ZNF211: variants seen among roughly 807,000 people sequenced by gnomAD.
ZNF211 encodes zinc finger protein 211.
Under a neutral mutation model 12.1 loss-of-function variants are expected in ZNF211, and 18 were observed. The ratio of observed to expected loss-of-function variants is 1.48; its 90% CI spans 1.03 to 2.20. ZNF211 has a LOEUF of 2.20. ZNF211 is among the 30% of genes most tolerant of loss of function. The pLI is 0.00. For synonymous variants in ZNF211, 249 were observed against 246.0 expected (o/e 1.01, Z -0.11); for missense variants, 677 against 703.1 (o/e 0.96, Z 0.42).
chr19:57,633,754 C>T (rs950833686), intron 1 of ZNF211: 1 of 1,534,406 alleles, frequency 6.5e-7, no homozygotes, highest in African/African-American at 1.4e-5. Flanking sequence ...CGAGAGACAC[C>T]ATCTGAGTTA....
Position 57,634,072 on chromosome 19 carries a change from G to T in ZNF211, c.129+11G>T. The T allele has an allele frequency of 6.4e-7, 1 of 1,563,496 alleles. No homozygotes were observed. Among genetic ancestry groups the T allele is most frequent in the South Asian group, 1.2e-5 (1 of 81,778 alleles). On this transcript the variant is annotated intron_variant, in intron 2 of 3. Transcript: ENST00000240731. ...TTCAAACTTACACAGGTAAGTGGAGGTATCTCAGCCCCTCACTGGTCTGGA... is the reference window on the plus strand; with the variant it reads ...TTCAAACTTACACAGGTAAGTGGAGTTATCTCAGCCCCTCACTGGTCTGGA...
At position 57,641,691 on chromosome 19, in the gene ZNF211, G is replaced by A. The variant is rs1183226641; in HGVS notation, c.1244G>A (p.Cys415Tyr). 3 of 1,614,016 alleles carry A rather than the reference G, an allele frequency of 1.9e-6. No homozygotes were observed. The highest frequency in any genetic ancestry group is 1.3e-5 in the African/African-American group (1 of 74,908). ...GAAAGACCTCATGAGTGCAATGAAT[G>A]TGGAAAATCCTTTAGCCGAAGCTCC... ...TGERPHECNE[C>Y]GKSFSRSSSL... Residue 415 changes from cysteine (C) to tyrosine (Y), a missense_variant, in exon 4 of 4, where the codon TGT becomes TAT. Coordinates refer to ENST00000240731, the MANE Select transcript of ZNF211 (RefSeq NM_006385.5).
At chr19:57,635,563 A>C (rs373892109) in intron 3 of ZNF211, among the ~76,000 whole-genome samples, 1 of 152,226 alleles carries the variant, frequency 6.6e-6, no homozygotes, top group Non-Finnish European at 1.5e-5. Context: ...GTTGTAATAT[A>C]TATCAGAATT....
chr19:57,641,908 T>A lies in ZNF211; in HGVS notation c.1461T>A (p.Val487=), dbSNP rs745665653. ...CCAACCTTAAGAACCACCAGAGAGT[T>A]CACACTGGAGAAAGACCTGTTGAGT... ...HSSNLKNHQR[V]HTGERPVECS... is the part of the protein sequence containing the mutation. Residue 487 remains valine, a synonymous_variant, in exon 4 of 4, where the codon GTT becomes GTA. Coordinates refer to ENST00000240731, the MANE Select transcript of ZNF211 (RefSeq NM_006385.5). 6.2e-7 allele frequency: 1 copy of A among 1,614,194 alleles called. No individual in the cohort carries two copies. Among genetic ancestry groups the A allele is most frequent in the South Asian group, 1.1e-5 (1 of 91,088 alleles).
Position 57,642,120 on chromosome 19 carries a change from C to CCA in ZNF211, c.1674_1675insAC (p.Phe559ThrfsTer79). On this transcript the variant is annotated frameshift_variant, in exon 4 of 4. Transcript: ENST00000240731. LOFTEE classifies it low-confidence loss of function (END_TRUNC). Reference sequence around the variant, plus strand: ...TATCAGTGCAGTCAATGTGGGAAATCCTTTGGCTGCAAATCTGTCCTCATT... The same window carrying CCA: ...TATCAGTGCAGTCAATGTGGGAAATCCACTTTGGCTGCAAATCTGTCCTCATT... The CCA allele has an allele frequency of 6.2e-7, 1 of 1,614,008 alleles. No individual in the cohort carries two copies. The highest frequency in any genetic ancestry group is 8.5e-7 in the Non-Finnish European group (1 of 1,179,890).
intron 3 of ZNF211, among the ~76,000 whole-genome samples, chr19:57,636,054 A>C (rs987917694): frequency 2.6e-5 from 4 of 152,120 alleles, no homozygotes; most frequent in Admixed American, 6.6e-5. Context: ...TCCTTTGCCT[A>C]TTTTTAAATT....
chr19:57,634,641 T>C lies in ZNF211; in HGVS notation c.142T>C (p.Phe48Leu). The change falls in exon 3 of 4, where the codon TTT (phenylalanine) becomes CTT (leucine). Residue 48 changes from phenylalanine (F) to leucine (L), a missense_variant. Phe to Leu is a conservative substitution (Grantham distance 22). Transcript: ENST00000240731. ...CCTATTATGCTAGGGAAGTGTGACC[T>C]TTGAAGATGTGGCCGTGTACTTCTC... is the stretch of plus-strand genomic sequence containing the variant. The part of the protein sequence containing the change: ...LFKLTQGSVT[F>L]EDVAVYFSWE... The C allele has an allele frequency of 1.9e-6, 3 of 1,592,934 alleles. No homozygotes were observed. The highest frequency in any genetic ancestry group is 2.6e-6 in the Non-Finnish European group (3 of 1,169,168).
chr19:57,641,435 G>T lies in ZNF211; in HGVS notation c.988G>T (p.Glu330Ter). The stretch of plus-strand genomic sequence containing the variant: ...TGGAGAAAGGCCTTATGCGTGCCCT[G>T]AATGTGGGAAATCGTTTAGTCAGAT... ...HTGERPYACP[E>*]CGKSFSQIYS... The change falls in exon 4 of 4, where the codon GAA becomes TAA. Residue 330 changes from glutamate (E) to a stop codon, truncating the protein, a stop_gained. Coordinates refer to ENST00000240731, the MANE Select transcript of ZNF211 (RefSeq NM_006385.5). LOFTEE classifies it low-confidence loss of function (END_TRUNC). The T allele has an allele frequency of 6.2e-7, 1 of 1,610,902 alleles. No individual in the cohort carries two copies. Among genetic ancestry groups the T allele is most frequent in the Non-Finnish European group, 8.5e-7 (1 of 1,177,836 alleles).
In ZNF211 at chr19:57,640,939, A is replaced by G. The variant is rs771622762; in HGVS notation, c.492A>G (p.Gln164=). 6 of 1,614,222 alleles carry G rather than the reference A, an allele frequency of 3.7e-6. No homozygotes were observed. The South Asian group carries it at 6.6e-5, about 18-fold the overall frequency. ...AATTCTACATCAGTGCAAATCTTCA[A>G]CAGCACCAGAGGCAGCACATTACAG... The part of the protein sequence containing the change: ...GKQFYISANL[Q]QHQRQHITEA... The change falls in exon 4 of 4, where the codon CAA becomes CAG. Residue 164 remains glutamine (Q), a synonymous_variant. Coordinates refer to ENST00000240731, the MANE Select transcript of ZNF211 (RefSeq NM_006385.5).
At chr19:57,639,407 A>AT (rs1982578897) in intron 3 of ZNF211, among the ~76,000 whole-genome samples, 1 of 6,046 alleles carries the variant, frequency 1.7e-4, no homozygotes, top group Non-Finnish European at 3.7e-4. Flanking sequence ...TCCTTTATGT[A>AT]CTTTTTTTTT....
rs1981737948 is a variant in ZNF211, at chr19:57,633,662, C to T, written c.90+226C>T. 6 of 1,534,286 alleles carry T rather than the reference C, an allele frequency of 3.9e-6. No homozygotes were observed. The Admixed American group carries it at 9.8e-5, about 25-fold the overall frequency. ...GGGGCATTCAGGAACCTGGGCTCCA[C>T]ATTGTTACTGCAGGGAACAAAGTTT... On this transcript the variant is annotated intron_variant, in intron 1 of 3. Coordinates refer to ENST00000240731, the MANE Select transcript of ZNF211 (RefSeq NM_006385.5).
intron 2 of ZNF211, 189 bp downstream of exon 2, chr19:57,634,250 C>CCA: frequency 5.1e-6 from 3 of 585,658 alleles, no homozygotes; most frequent in African/African-American, 1.9e-5. Context: ...TTGGAGCAGC[C>CCA]AATGGAAAGA....
Position 57,641,110 on chromosome 19 carries a change from A to C in ZNF211, c.663A>C (p.Thr221=). 6.2e-7 allele frequency: 1 copy of C among 1,614,204 alleles called. No individual in the cohort carries two copies. Among genetic ancestry groups the C allele is most frequent in the Middle Eastern group, 1.6e-4 (1 of 6,062 alleles). The part of the protein sequence containing the change: ...MRFLHQDATQ[T]GEKPNNSNKC... ...TTCTCCATCAAGACGCCACTCAAAC[A>C]GGGGAGAAGCCAAATAACAGTAACA... The change falls in exon 4 of 4, where the codon ACA becomes ACC. Residue 221 remains threonine, a synonymous_variant. Transcript: ENST00000240731.
chr19:57,637,343 A>G (rs546407122), intron 3 of ZNF211, among the ~76,000 whole-genome samples: 4 of 150,890 alleles, frequency 2.7e-5, no homozygotes, highest in Non-Finnish European at 5.9e-5. Flanking sequence ...ATTTCCCTGT[A>G]TTCCTGGTTT....
At position 57,642,081 on chromosome 19, in the gene ZNF211, C is replaced by A; in HGVS notation, c.1634C>A (p.Thr545Lys). Residue 545 changes from threonine (T) to lysine (K), a missense_variant, in exon 4 of 4, where the codon ACG becomes AAG. Physicochemically the swap from Thr to Lys is moderately conservative, Grantham distance 78. Transcript: ENST00000240731. ...SSLIQHRRVH[T>K]GKRPYQCSQC... is the part of the protein sequence containing the mutation. ...CTCATTCAACACCGCAGAGTTCACA[C>A]GGGAAAAAGGCCTTATCAGTGCAGT... The A allele has an allele frequency of 6.2e-7, 1 of 1,614,104 alleles. No homozygotes were observed. Among genetic ancestry groups the A allele is most frequent in the Non-Finnish European group, 8.5e-7 (1 of 1,179,962 alleles).
intron 3 of ZNF211, among the ~76,000 whole-genome samples, chr19:57,639,349 G>C (rs1321311583): frequency 9.9e-6 from 1 of 101,338 alleles, no homozygotes; most frequent in Non-Finnish European, 2.0e-5. Context: ...TTTTGTGTTT[G>C]GCTCACTTTT....
intron 3 of ZNF211, 51 bp from the exon 4 acceptor site, chr19:57,640,653 C>G: frequency 1.3e-6 from 2 of 1,582,196 alleles, no homozygotes; most frequent in Non-Finnish European, 1.7e-6. Flanking sequence ...ATTGCATTGT[C>G]TCCTCCTAAT....
In ZNF211 at chr19:57,633,251, G is replaced by C. The variant is rs369088499; in HGVS notation, c.-96G>C. 1 of 1,215,944 alleles carries C rather than the reference G, an allele frequency of 8.2e-7. No homozygotes were observed. The highest frequency in any genetic ancestry group is 1.1e-6 in the Non-Finnish European group (1 of 904,714). The allele number at this position is 1,215,944 out of a possible 1,614,324, so 75.3% of individuals were successfully genotyped here. ...TTCTGTCTGTCAGCCGCTTTGGTAC[G>C]CTGCATCGGGATCGAAGTGACGGAC... On this transcript the variant is annotated 5_prime_UTR_variant, in exon 1 of 4. Coordinates refer to ENST00000240731, the MANE Select transcript of ZNF211 (RefSeq NM_006385.5).
In ZNF211 at chr19:57,642,334, AC is replaced by A; in HGVS notation, c.*154del. ...TTCCAGGTATGTGTTACACTTTCTAACATGCCATTTAGAAAGTGTTAGACTT... is the reference window on the plus strand; with the variant it reads ...TTCCAGGTATGTGTTACACTTTCTAAATGCCATTTAGAAAGTGTTAGACTT... On this transcript the variant is annotated 3_prime_UTR_variant, in exon 4 of 4. Transcript: ENST00000240731. 1 of 830,948 alleles carries A rather than the reference AC, an allele frequency of 1.2e-6. No homozygotes were observed. The highest frequency in any genetic ancestry group is 1.8e-6 in the Non-Finnish European group (1 of 547,562). The allele number at this position is 830,948 out of a possible 1,614,324, so 51.5% of individuals were successfully genotyped here. A position where few individuals can be genotyped will look rare whatever the true frequency, so the allele number is the denominator to read the frequency against.
Sources: gnomAD v4.1 joint callset for allele counts (sites outside exome capture counted in the v4.1 genomes callset) on GRCh38, gnomAD v4.1.1 for gene constraint, MANE v1.5 for transcripts, NCBI Gene and HGNC (gene_info 2026-07-23, HGNC 2026-07-21) for gene names.